Variants in LINGO2 observed in about 807,000 individuals in gnomAD.
LINGO2 encodes the protein leucine-rich repeat and immunoglobulin-like domain-containing nogo receptor-interacting protein 2.
Under a neutral mutation model 30.6 loss-of-function variants are expected in LINGO2, and 14 were observed. The ratio of observed to expected loss-of-function variants is 0.46; its 90% confidence interval spans 0.30 to 0.72. The LOEUF (loss-of-function observed/expected upper bound fraction) is 0.72. Ranked by LOEUF, LINGO2 falls within the 30% of genes least tolerant of loss-of-function variation. The pLI, the probability that LINGO2 is intolerant of heterozygous loss-of-function variation, is 0.07. For missense variants in LINGO2, 729 were observed against 751.7 expected (o/e 0.97, Z 0.35); for synonymous variants, 317 against 288.5 (o/e 1.10, Z -1.00).
the LINGO2 span, among the ~76,000 whole-genome samples, chr9:29,056,285 T>C: frequency 5.9e-5 from 9 of 152,106 alleles, no homozygotes; most frequent in Non-Finnish European, 1.3e-4. Context: ...TTTTTGATTA[T>C]GGCGTCCTTG....
the LINGO2 span, among the ~76,000 whole-genome samples, chr9:28,903,094 T>C: frequency 1.3e-5 from 2 of 151,820 alleles, no homozygotes; most frequent in African/African-American, 2.4e-5. Context: ...AAGAGCTTTT[T>C]TTTTGAGAAA....
chr9:28,456,046 C>G (rs1824833785), intron 2 of LINGO2, among the ~76,000 whole-genome samples: 1 of 152,108 alleles, frequency 6.6e-6, no homozygotes, highest in African/African-American at 2.4e-5. Flanking sequence ...TATCTTCAAA[C>G]TTTGTTTCTC....
At chr9:28,333,536 T>C (rs1400280766) in intron 3 of LINGO2, among the ~76,000 whole-genome samples, 1 of 152,188 alleles carries the variant, frequency 6.6e-6, no homozygotes, top group Admixed American at 6.5e-5. Context: ...CTTCTTCTTC[T>C]AATCCAGTGA....
chr9:29,152,765 C>T, the LINGO2 span, among the ~76,000 whole-genome samples: 3 of 152,074 alleles, frequency 2.0e-5, no homozygotes, highest in African/African-American at 7.2e-5. Context: ...TGTAGTAATC[C>T]TTCACATGTA....
chr9:28,636,173 C>T (rs1304259046), intron 1 of LINGO2, among the ~76,000 whole-genome samples: 7 of 152,102 alleles, frequency 4.6e-5, no homozygotes, highest in African/African-American at 4.8e-5. Flanking sequence ...TTTATGGCTG[C>T]GTAGTATCCA....
intron 4 of LINGO2, among the ~76,000 whole-genome samples, chr9:28,167,148 C>G (rs942270407): frequency 4.2e-5 from 6 of 142,022 alleles, no homozygotes; most frequent in East Asian, 2.4e-4. Flanking sequence ...CACCCCCCCC[C>G]CCCACTTTTC....
chr9:28,042,836 T>C (rs1349266041), intron 4 of LINGO2, among the ~76,000 whole-genome samples: 3 of 152,178 alleles, frequency 2.0e-5, no homozygotes, highest in Admixed American at 6.5e-5. Context: ...ATTATACAAA[T>C]AAGAGTTCTG....
chr9:28,835,215 T>A, the LINGO2 span, among the ~76,000 whole-genome samples: 1 of 152,124 alleles, frequency 6.6e-6, no homozygotes, highest in Non-Finnish European at 1.5e-5. Flanking sequence ...AAACAAAAGA[T>A]TCTTGATATA....
intron 2 of LINGO2, among the ~76,000 whole-genome samples, chr9:28,435,919 GTAAA>G (rs1334696015): frequency 6.6e-6 from 1 of 152,160 alleles, no homozygotes; most frequent in African/African-American, 2.4e-5. Flanking sequence ...TTTTAGAACA[GTAAA>G]TACTCACTGA....
intron 5 of LINGO2, among the ~76,000 whole-genome samples, chr9:27,958,718 C>A (rs1378167543): frequency 6.6e-6 from 1 of 152,096 alleles, no homozygotes; most frequent in East Asian, 1.9e-4. Context: ...TTGGTAGTAT[C>A]TGCAGTTTCA....
At chr9:28,990,496 A>G in the LINGO2 span, among the ~76,000 whole-genome samples, 39 of 152,328 alleles carry the variant, frequency 2.6e-4, no homozygotes, top group African/African-American at 8.7e-4. Flanking sequence ...AGCTTTGAAG[A>G]GAGCAGTGGT....
At chr9:28,032,784 T>C (rs1415592603) in intron 4 of LINGO2, among the ~76,000 whole-genome samples, 10 of 152,202 alleles carry the variant, frequency 6.6e-5, no homozygotes, top group Admixed American at 5.2e-4. Flanking sequence ...CAATGGACAC[T>C]GTGTCCCTGA....
intron 4 of LINGO2, among the ~76,000 whole-genome samples, chr9:28,199,855 T>C (rs1485628396): frequency 1.3e-5 from 2 of 152,114 alleles, no homozygotes; most frequent in African/African-American, 2.4e-5. Flanking sequence ...TCAAAAACAA[T>C]ATTACCATCC....
chr9:29,084,075 C>G, the LINGO2 span, among the ~76,000 whole-genome samples: 1 of 151,290 alleles, frequency 6.6e-6, no homozygotes, highest in Non-Finnish European at 1.5e-5. Context: ...TATACTAAAA[C>G]TGTATAAGTA....
intron 2 of LINGO2, among the ~76,000 whole-genome samples, chr9:28,419,226 A>T (rs576866818): frequency 1.3e-4 from 20 of 152,162 alleles, no homozygotes; most frequent in Non-Finnish European, 2.6e-4. Flanking sequence ...ATCAGCAAAT[A>T]GTATAAAAGC....
chr9:27,998,378 G>C (rs559787147), intron 5 of LINGO2, among the ~76,000 whole-genome samples: 6 of 152,286 alleles, frequency 3.9e-5, no homozygotes, highest in Admixed American at 1.3e-4. Flanking sequence ...AGCTTCATAG[G>C]GGGATATGCC....
intron 4 of LINGO2, among the ~76,000 whole-genome samples, chr9:28,073,001 G>A (rs956010669): frequency 2.0e-5 from 3 of 151,704 alleles, no homozygotes; most frequent in Non-Finnish European, 2.9e-5. Flanking sequence ...CTTGGTCTTC[G>A]GCTTGACTTC....
At position 28,078,779 on chromosome 9, in the gene LINGO2, C is replaced by T. The variant is rs553099698; in HGVS notation, c.-86-66374G>A. Among the ~76,000 whole-genome samples the T allele has an allele frequency of 1.2e-3, 173 of 147,006 alleles. 22 individuals are homozygous for T. Among genetic ancestry groups the T allele is most frequent in the African/African-American group, 3.8e-3 (141 of 37,076 alleles). On this transcript the variant is annotated intron_variant, in intron 4 of 5. Coordinates refer to ENST00000379992, the Ensembl canonical transcript of LINGO2. ...AGGAGAACCGCCTGAACCTGGGAGG[C>T]AGAGGTGGCAGTGAGCCAAGATCGC...
the LINGO2 span, among the ~76,000 whole-genome samples, chr9:28,849,952 T>C: frequency 1.3e-5 from 2 of 152,058 alleles, no homozygotes; most frequent in South Asian, 2.1e-4. Flanking sequence ...GTATATTTTG[T>C]CTGGCCTAAT....
Sources: gnomAD v4.1 joint callset for allele counts (sites outside exome capture counted in the v4.1 genomes callset) on GRCh38, gnomAD v4.1.1 for gene constraint, MANE v1.5 for transcripts, NCBI Gene and HGNC (gene_info 2026-07-23, HGNC 2026-07-21) for gene names.